Variants in HAUS1 observed in about 807,000 individuals in gnomAD.
HAUS1 encodes HAUS augmin like complex subunit 1.
HAUS1 carries 25 observed loss-of-function variants against 38.6 expected under a neutral mutation model. That is an observed-to-expected ratio of 0.65 (90% CI 0.47 to 0.91). The LOEUF (loss-of-function observed/expected upper bound fraction) is 0.91, where lower values mean the gene tolerates loss of function less well. HAUS1 is among the 40% of genes least tolerant of loss of function. HAUS1 has a pLI of 0.00. For missense variants in HAUS1, 325 were observed against 328.4 expected (o/e 0.99, Z 0.08); for synonymous variants, 109 against 112.9 (o/e 0.97, Z 0.22).
chr18:46,116,948 GA>G (rs1401836206), intron 2 of HAUS1, among the ~76,000 whole-genome samples: 1 of 150,682 alleles, frequency 6.6e-6, no homozygotes, highest in African/African-American at 2.5e-5. Flanking sequence ...CTCCATCCTG[GA>G]TGACAGAGTG....
chr18:46,111,755 G>A (rs983915933), intron 2 of HAUS1, among the ~76,000 whole-genome samples: 17 of 152,078 alleles, frequency 1.1e-4, no homozygotes, highest in African/African-American at 4.1e-4. Context: ...ACTGCACCCA[G>A]CTAATTTCTT....
intron 3 of HAUS1, among the ~76,000 whole-genome samples, chr18:46,119,135 C>T (rs1269630908): frequency 3.3e-5 from 5 of 152,176 alleles, no homozygotes; most frequent in Non-Finnish European, 4.4e-5. Context: ...TCCCAAAGTG[C>T]TGGGATTACA....
intron 2 of HAUS1, among the ~76,000 whole-genome samples, chr18:46,110,405 C>T (rs1271110206): frequency 4.9e-5 from 6 of 122,736 alleles, no homozygotes; most frequent in South Asian, 5.7e-4. Flanking sequence ...AGTGCGGTGG[C>T]GCAGTCTCGG....
At position 46,112,934 on chromosome 18, in the gene HAUS1, CATATA is replaced by C. The variant is rs1568263528; in HGVS notation, c.206-5241_206-5237del. ...TAATATATATAATGTGTATATATTC[CATATA>C]ATATATATAATATATATAATATGTA... On this transcript the variant is annotated intron_variant, in intron 2 of 8. Transcript: ENST00000282058. 3.5e-4 allele frequency among the ~76,000 whole-genome samples: 35 copies of C among 100,034 alleles called. 2 individuals carry two copies. The highest frequency in any genetic ancestry group is 1.5e-3 in the African/African-American group (35 of 23,646). 65.6% of individuals were successfully genotyped at this position (100,034 alleles called of 152,430 possible).
At chr18:46,114,923 A>G (rs1911760893) in intron 2 of HAUS1, 1 of 152,188 alleles carries the variant, frequency 6.6e-6, no homozygotes, top group South Asian at 2.1e-4. Flanking sequence ...GAGGCTTTAA[A>G]TGCTTGGGTT....
intron 4 of HAUS1, chr18:46,121,690 A>G (rs1911947341): frequency 6.6e-6 from 1 of 152,054 alleles, no homozygotes; most frequent in Admixed American, 6.6e-5. Flanking sequence ...GTGTCGTTCT[A>G]ATTTTAGTAT....
At chr18:46,118,147 A>C in intron 2 of HAUS1, 34 bp from the exon 3 acceptor site, 1 of 1,606,192 alleles carries the variant, frequency 6.2e-7, no homozygotes, top group Non-Finnish European at 8.5e-7. Context: ...TTAAAAAAGC[A>C]AACAGTCACT....
intron 2 of HAUS1, among the ~76,000 whole-genome samples, chr18:46,113,058 ATATAAT>A (rs1911713737): frequency 7.5e-6 from 1 of 133,274 alleles, no homozygotes; most frequent in Admixed American, 8.8e-5. Context: ...CATATTATAT[ATATAAT>A]ATATATATTC....
chr18:46,109,642 G>C (rs931678143), intron 2 of HAUS1: 1 of 150,978 alleles, frequency 6.6e-6, no homozygotes, highest in African/African-American at 2.4e-5. Context: ...TTCCTCCCGA[G>C]ACAGAGTCAT....
chr18:46,128,061 CT>C lies in HAUS1; in HGVS notation c.787-11del. On this transcript the variant is annotated splice_polypyrimidine_tract_variant and intron_variant, in intron 8 of 8. Coordinates refer to ENST00000282058, the MANE Select transcript of HAUS1 (RefSeq NM_138443.4). ...TTTTATGTCCTTATCTATGGTATGT[CT>C]TTCTTCCTGTAGGATAGCATTGAAG... The C allele has an allele frequency of 6.5e-7, 1 of 1,530,666 alleles. No individual in the cohort carries two copies. The highest frequency in any genetic ancestry group is 8.8e-7 in the Non-Finnish European group (1 of 1,130,418). 94.8% of individuals were successfully genotyped at this position (1,530,666 alleles called of 1,614,324 possible). A position where few individuals can be genotyped will look rare whatever the true frequency, so the allele number is the denominator to read the frequency against.
intron 7 of HAUS1, 124 bp downstream of exon 7, chr18:46,125,017 T>A: frequency 1.8e-6 from 1 of 565,516 alleles, no homozygotes; most frequent in Non-Finnish European, 3.2e-6. Flanking sequence ...CCCAGCACTT[T>A]GGGAGGACAA....
intron 7 of HAUS1, among the ~76,000 whole-genome samples, 163 bp downstream of exon 7, chr18:46,125,056 T>TA (rs1568267081): frequency 6.6e-6 from 1 of 152,028 alleles, no homozygotes; most frequent in African/African-American, 2.4e-5. Context: ...GGTCAGGAGT[T>TA]AGAGACCAGC....
At chr18:46,113,039 T>C (rs942392744) in intron 2 of HAUS1, among the ~76,000 whole-genome samples, 1 of 135,960 alleles carries the variant, frequency 7.4e-6, no homozygotes, top group Non-Finnish European at 1.5e-5. Context: ...ATATATAATA[T>C]ATATATTCCA....
At chr18:46,111,892 T>C (rs865846829) in intron 2 of HAUS1, among the ~76,000 whole-genome samples, 1,712 of 150,732 alleles carry the variant, frequency 0.011, 41 homozygotes, top group African/African-American at 0.04. Context: ...TTTCTTTTTT[T>C]TTTTTTTTTA....
intron 2 of HAUS1, among the ~76,000 whole-genome samples, chr18:46,106,480 A>G (rs1294831955): frequency 5.9e-5 from 9 of 151,786 alleles, no homozygotes; most frequent in African/African-American, 1.7e-4. Flanking sequence ...AAAAAAAAAA[A>G]AGAAAAAAAG....
chr18:46,126,659 C>T lies in HAUS1; in HGVS notation c.786+868C>T, dbSNP rs950093191. 3.3e-5 allele frequency: 5 copies of T among 150,934 alleles called. No homozygotes were observed. In the South Asian group the frequency reaches 1.0e-3, roughly 32 times the overall value. The allele number at this position is 150,934 out of a possible 1,614,324, so 9.3% of individuals were successfully genotyped here. Reference sequence around the variant, plus strand: ...TTTTTTTTTGAGACAGAATCTTGCTCTGTCCTCCAGACTAGAGTGCAGTGG... The same window carrying T: ...TTTTTTTTTGAGACAGAATCTTGCTTTGTCCTCCAGACTAGAGTGCAGTGG... On this transcript the variant is annotated intron_variant, in intron 8 of 8. Transcript: ENST00000282058.
In HAUS1 at chr18:46,105,331, G is replaced by C; in HGVS notation, c.168G>C (p.Glu56Asp). The C allele has an allele frequency of 6.2e-7, 1 of 1,613,420 alleles. No homozygotes were observed. Among genetic ancestry groups the C allele is most frequent in the South Asian group, 1.1e-5 (1 of 90,944 alleles). The change falls in exon 2 of 9, where the codon GAG (glutamate) becomes GAC (aspartate). Residue 56 changes from glutamate to aspartate, a missense_variant. By Grantham distance (45) the Glu-to-Asp change is conservative. Transcript: ENST00000282058. ...ACAGGGATGTCTACCTGGTAATAGAGGACTTGAAGCAGAAAGCAAGTGAAT... is the reference window on the plus strand; with the variant it reads ...ACAGGGATGTCTACCTGGTAATAGACGACTTGAAGCAGAAAGCAAGTGAAT... ...VRDRDVYLVI[E>D]DLKQKASEYE...
intron 3 of HAUS1, 186 bp downstream of exon 3, chr18:46,118,502 T>A: frequency 1.8e-6 from 1 of 568,872 alleles, no homozygotes; most frequent in Non-Finnish European, 3.1e-6. Context: ...TAATTTTTAG[T>A]GTTTTCTTCT....
In HAUS1 at chr18:46,105,179, T is replaced by C; in HGVS notation, c.31-15T>C. 6.3e-7 allele frequency: 1 copy of C among 1,588,402 alleles called. No homozygotes were observed. The highest frequency in any genetic ancestry group is 8.6e-7 in the Non-Finnish European group (1 of 1,161,408). ...AAACAAGGCTTATAATATTTGTCTT[T>C]CTTTTAATGGTTAGGTTGCTGCGTG... is the stretch of plus-strand genomic sequence containing the variant. On this transcript the variant is annotated splice_polypyrimidine_tract_variant and intron_variant, in intron 1 of 8. Transcript: ENST00000282058.
Sources: allele counts gnomAD v4.1 joint callset (sites outside exome capture counted in the v4.1 genomes callset), GRCh38; gene constraint gnomAD v4.1.1; transcripts MANE v1.5; gene names NCBI Gene and HGNC (gene_info 2026-07-23, HGNC 2026-07-21).